VTI1B: variants seen among roughly 807,000 people sequenced by gnomAD.
VTI1B encodes the protein vesicle transport through interaction with t-SNAREs homolog 1B.
VTI1B carries 18 observed loss-of-function variants against 28.6 expected under a neutral mutation model. The ratio of observed to expected loss-of-function variants is 0.63; its 90% CI spans 0.43 to 0.93. VTI1B has a LOEUF of 0.93. Ranked by LOEUF, VTI1B falls within the 40% of genes least tolerant of loss-of-function variation. The pLI is 0.00. For synonymous variants in VTI1B, 100 were observed against 107.9 expected (o/e 0.93, Z 0.46); for missense variants, 283 against 297.0 (o/e 0.95, Z 0.35).
intron 4 of VTI1B, among the ~76,000 whole-genome samples, chr14:67,654,506 G>C (rs556478578): frequency 6.6e-6 from 1 of 152,238 alleles, no homozygotes; most frequent in African/African-American, 2.4e-5. Context: ...CTGTAAGCAA[G>C]TTACATTCTC....
At chr14:67,662,955 T>TCACCACTCC (rs2037357992) in intron 1 of VTI1B, 1 of 1,189,304 alleles carries the variant, frequency 8.4e-7, no homozygotes, top group African/African-American at 1.7e-5. Context: ...CTGAAACCCC[T>TCACCACTCC]CACCACTCCC....
chr14:67,665,277 T>TC (rs1168701530), intron 1 of VTI1B, among the ~76,000 whole-genome samples: 1 of 142,416 alleles, frequency 7.0e-6, no homozygotes, highest in Non-Finnish European at 1.6e-5. Context: ...TTTTTTTTTT[T>TC]TGAGACAGTC....
At chr14:67,673,187 AC>A (rs2140039282) in intron 1 of VTI1B, among the ~76,000 whole-genome samples, 1 of 152,320 alleles carries the variant, frequency 6.6e-6, no homozygotes, top group Admixed American at 6.5e-5. Context: ...TACTAAAAAT[AC>A]AAAAATAATT....
chr14:67,655,527 C>CT (rs879840327), intron 4 of VTI1B, among the ~76,000 whole-genome samples: 4,257 of 146,108 alleles, frequency 0.029, 208 homozygotes, highest in African/African-American at 0.1. Flanking sequence ...TTCCCTATTA[C>CT]TTTTTTTTTT....
At chr14:67,661,707 T>C (rs1278361790) in intron 2 of VTI1B, among the ~76,000 whole-genome samples, 1 of 148,982 alleles carries the variant, frequency 6.7e-6, no homozygotes, top group Non-Finnish European at 1.5e-5. Context: ...AATTTTTTTT[T>C]GTTTGGTAGA....
At position 67,653,479 on chromosome 14, in the gene VTI1B, T is replaced by C. The variant is rs1484330283; in HGVS notation, c.560A>G (p.Asn187Ser). 2.5e-6 allele frequency: 4 copies of C among 1,613,914 alleles called. No individual in the cohort carries two copies. Among genetic ancestry groups the C allele is most frequent in the Non-Finnish European group, 3.4e-6 (4 of 1,179,960 alleles). Residue 187 changes from asparagine to serine, a missense_variant, in exon 5 of 6, where the codon AAC (asparagine) becomes AGC (serine). Transcript: ENST00000554659. ...GAGAATCTTCCGACTTTTGCTCAAG[T>C]TTTCACTTGTGTTTACCAGCTGAGA... ...TKSRLVNTSE[N>S]LSKSRKILRS... is the part of the protein sequence containing the mutation.
chr14:67,654,755 C>T (rs959862553), intron 4 of VTI1B, among the ~76,000 whole-genome samples: 5 of 151,986 alleles, frequency 3.3e-5, no homozygotes, highest in Admixed American at 2.0e-4. Context: ...TTTGCCCGGG[C>T]GCAGTGGCTC....
In VTI1B at chr14:67,650,001, C is replaced by T. The variant is rs2037151248; in HGVS notation, c.*1384G>A. ...TTGCTCCAGGCCAAAGGAACACTAC[C>T]GAGAACTTTGACACAAGTTCTCAAA... On this transcript the variant is annotated 3_prime_UTR_variant, in exon 6 of 6. Coordinates refer to ENST00000554659, the MANE Select transcript of VTI1B (RefSeq NM_006370.3). The T allele has an allele frequency of 6.6e-6, 1 of 152,330 alleles. No homozygotes were observed. Among genetic ancestry groups the T allele is most frequent in the Middle Eastern group, 3.4e-3 (1 of 292 alleles). 9.4% of individuals were successfully genotyped at this position (152,330 alleles called of 1,614,324 possible).
At chr14:67,660,151 TGAA>T in intron 2 of VTI1B, 1 of 432,824 alleles carries the variant, frequency 2.3e-6, no homozygotes. Context: ...ACTGAATGAA[TGAA>T]TGGAAAAACA....
intron 3 of VTI1B, among the ~76,000 whole-genome samples, chr14:67,658,580 G>A (rs1365071737): frequency 6.6e-6 from 1 of 152,134 alleles, no homozygotes; most frequent in Non-Finnish European, 1.5e-5. Flanking sequence ...CTGGGTGACA[G>A]AGCGAGACTC....
Position 67,650,923 on chromosome 14 carries a change from G to A in VTI1B, c.*462C>T. ...ATCAAGCACGTGTGAGAATTTAGGA[G>A]ACACTGTGCACTGACATGTTTCACA... On this transcript the variant is annotated 3_prime_UTR_variant, in exon 6 of 6. Coordinates refer to ENST00000554659, the MANE Select transcript of VTI1B (RefSeq NM_006370.3). The A allele has an allele frequency of 6.2e-7, 1 of 1,613,498 alleles. No individual in the cohort carries two copies. The highest frequency in any genetic ancestry group is 8.5e-7 in the Non-Finnish European group (1 of 1,179,728).
At chr14:67,659,118 T>A (rs2037303729) in intron 3 of VTI1B, among the ~76,000 whole-genome samples, 1 of 152,212 alleles carries the variant, frequency 6.6e-6, no homozygotes. Flanking sequence ...GTTCAATTAG[T>A]CCAATTTTAT....
chr14:67,670,821 C>T (rs981838007), intron 1 of VTI1B, among the ~76,000 whole-genome samples: 1 of 152,154 alleles, frequency 6.6e-6, no homozygotes, highest in Non-Finnish European at 1.5e-5. Context: ...CCACCGTGCC[C>T]GGCCGTTTGT....
At position 67,670,315 on chromosome 14, in the gene VTI1B, CT is replaced by C. The variant is rs142779466; in HGVS notation, c.115+4059del. Among the ~76,000 whole-genome samples, 857 of 152,240 alleles carry C rather than the reference CT, an allele frequency of 5.6e-3. 6 individuals are homozygous for C. The highest frequency in any genetic ancestry group is 0.01 in the Middle Eastern group (3 of 294). The stretch of plus-strand genomic sequence containing the variant: ...ACACTGAGATCCCCTCACAATCTGG[CT>C]GTTTCACCTGCCCCTCTACTACTAC... On this transcript the variant is annotated intron_variant, in intron 1 of 5. Transcript: ENST00000554659.
At chr14:67,667,776 C>T (rs1030350242) in intron 1 of VTI1B, among the ~76,000 whole-genome samples, 5 of 152,058 alleles carry the variant, frequency 3.3e-5, no homozygotes, top group African/African-American at 1.2e-4. Context: ...AACCCTGTCT[C>T]TACTAAAAAT....
chr14:67,654,086 A>C (rs1439842601), intron 4 of VTI1B, among the ~76,000 whole-genome samples: 2 of 152,128 alleles, frequency 1.3e-5, no homozygotes, highest in Non-Finnish European at 2.9e-5. Context: ...GGCCTTGGTA[A>C]GCTGACCTCT....
rs760333431 is a variant in VTI1B at position 67,651,476 on chromosome 14, G to A, written c.608C>T (p.Thr203Ile). 4.3e-6 allele frequency: 7 copies of A among 1,613,696 alleles called. No homozygotes were observed. Among genetic ancestry groups the A allele is most frequent in the Non-Finnish European group, 4.2e-6 (5 of 1,179,674 alleles). ...KILRSMSRKVTTNKLLLSIII... is the reference protein window; with the variant it reads ...KILRSMSRKVITNKLLLSIII... ...AATGGAAAGCAGCAGCTTGTTGGTTGTCACTCTACAAAGAGAAGCAAAGTG... is the reference window on the plus strand; with the variant it reads ...AATGGAAAGCAGCAGCTTGTTGGTTATCACTCTACAAAGAGAAGCAAAGTG... The change falls in exon 6 of 6, where the codon ACA becomes ATA. Residue 203 changes from threonine to isoleucine, a missense_variant. Transcript: ENST00000554659.
intron 1 of VTI1B, among the ~76,000 whole-genome samples, chr14:67,667,694 C>T (rs1334810672): frequency 2.6e-5 from 4 of 152,098 alleles, no homozygotes; most frequent in African/African-American, 4.8e-5. Context: ...CCTGTAATCC[C>T]TGCACTTTGG....
At chr14:67,668,977 T>A (rs2037435156) in intron 1 of VTI1B, among the ~76,000 whole-genome samples, 1 of 152,232 alleles carries the variant, frequency 6.6e-6, no homozygotes, top group South Asian at 2.1e-4. Context: ...AGAATAGTTG[T>A]ATACAGGGCT....
Sources: gnomAD v4.1 joint callset for allele counts (sites outside exome capture counted in the v4.1 genomes callset) on GRCh38, gnomAD v4.1.1 for gene constraint, MANE v1.5 for transcripts, NCBI Gene and HGNC (gene_info 2026-07-23, HGNC 2026-07-21) for gene names.